Variants in CNTN3 observed in about 807,000 individuals in gnomAD.
The protein encoded by CNTN3 is contactin 3.
Under a neutral mutation model 119.1 loss-of-function variants are expected in CNTN3, and 60 were observed. The ratio of observed to expected loss-of-function variants is 0.50; its 90% CI spans 0.41 to 0.62. The LOEUF is 0.62. CNTN3 is among the 20% of genes least tolerant of loss of function. The pLI, the probability that CNTN3 is intolerant of heterozygous loss-of-function variation, is 0.00. For synonymous variants in CNTN3, 450 were observed against 438.7 expected (o/e 1.03, Z -0.32); for missense variants, 1,101 against 1,242.4 (o/e 0.89, Z 1.71).
intron 5 of CNTN3, among the ~76,000 whole-genome samples, chr3:74,383,366 A>G (rs1704669668): frequency 6.6e-6 from 1 of 152,196 alleles, no homozygotes; most frequent in Admixed American, 6.5e-5. Flanking sequence ...ATGGGTCAAT[A>G]AAGGTAAAGA....
intron 13 of CNTN3, among the ~76,000 whole-genome samples, chr3:74,331,237 A>AT (rs1197984301): frequency 1.3e-5 from 2 of 152,106 alleles, no homozygotes; most frequent in African/African-American, 4.8e-5. Flanking sequence ...TTTATGCCGT[A>AT]TTTTTACTGT....
At chr3:74,418,785 A>AT (rs199617778) in intron 5 of CNTN3, among the ~76,000 whole-genome samples, 1,928 of 149,452 alleles carry the variant, frequency 0.013, 36 homozygotes, top group African/African-American at 0.039. Context: ...TTTATTTTAA[A>AT]TTTTTTTTAT....
intron 11 of CNTN3, among the ~76,000 whole-genome samples, chr3:74,360,116 C>T (rs1704045237): frequency 6.6e-6 from 1 of 152,204 alleles, no homozygotes; most frequent in Admixed American, 6.5e-5. Flanking sequence ...ACTGGAGGAA[C>T]TGCAGATTGT....
At chr3:74,603,528 A>G (rs1704944922) in intron 1 of CNTN3, among the ~76,000 whole-genome samples, 1 of 152,170 alleles carries the variant, frequency 6.6e-6, no homozygotes, top group Admixed American at 6.5e-5. Context: ...GCTTGCTAGA[A>G]GCCACTGAGA....
intron 5 of CNTN3, among the ~76,000 whole-genome samples, chr3:74,390,245 G>A (rs530582063): frequency 1.3e-5 from 2 of 152,292 alleles, no homozygotes; most frequent in African/African-American, 2.4e-5. Context: ...ATTTCACCTG[G>A]GTGGGACTGA....
chr3:74,476,208 T>C (rs1702652002), intron 4 of CNTN3, among the ~76,000 whole-genome samples: 1 of 152,144 alleles, frequency 6.6e-6, no homozygotes. Context: ...TATTATTTGA[T>C]TGAGGAAAAT....
At chr3:74,460,819 G>A (rs1352351009) in intron 4 of CNTN3, among the ~76,000 whole-genome samples, 6 of 36,960 alleles carry the variant, frequency 1.6e-4, no homozygotes, top group African/African-American at 6.6e-4. Flanking sequence ...ATATATATAT[G>A]CCTTTCATTT....
chr3:74,299,809 C>T, intron 17 of CNTN3, 59 bp downstream of exon 17: 1 of 1,412,574 alleles, frequency 7.1e-7, no homozygotes, highest in South Asian at 1.3e-5. Context: ...ACCTGGGAAG[C>T]CATAATGATC....
At chr3:74,515,219 GA>G (rs1703431268) in intron 2 of CNTN3, among the ~76,000 whole-genome samples, 1 of 151,998 alleles carries the variant, frequency 6.6e-6, no homozygotes, top group South Asian at 2.1e-4. Flanking sequence ...ACAGAACATA[GA>G]AAGTATGTGG....
chr3:74,366,183 C>T (rs191850039), intron 8 of CNTN3, among the ~76,000 whole-genome samples: 10 of 152,088 alleles, frequency 6.6e-5, no homozygotes, highest in Middle Eastern at 3.4e-3. Context: ...ATATTTTCCA[C>T]AAGTTAGAAA....
intron 5 of CNTN3, among the ~76,000 whole-genome samples, chr3:74,420,570 T>C (rs1701601115): frequency 6.6e-6 from 1 of 152,238 alleles, no homozygotes; most frequent in Non-Finnish European, 1.5e-5. Context: ...TTTTAAGCAT[T>C]GCTGATGTGT....
At chr3:74,373,531 T>G (rs756216470) in intron 5 of CNTN3, among the ~76,000 whole-genome samples, 1 of 152,054 alleles carries the variant, frequency 6.6e-6, no homozygotes, top group Non-Finnish European at 1.5e-5. Context: ...AAAAGAATGG[T>G]TGAGAAAAAG....
At chr3:74,471,542 G>A (rs183295310) in intron 4 of CNTN3, among the ~76,000 whole-genome samples, 16 of 152,176 alleles carry the variant, frequency 1.1e-4, no homozygotes, top group Admixed American at 3.9e-4. Flanking sequence ...AACACCTAGC[G>A]TTATCTTATA....
intron 12 of CNTN3, among the ~76,000 whole-genome samples, chr3:74,335,225 T>C (rs1703361874): frequency 6.6e-6 from 1 of 152,092 alleles, no homozygotes; most frequent in African/African-American, 2.4e-5. Flanking sequence ...CTTAGTTTTA[T>C]TGTTTTTTGA....
rs753411816 is a variant in CNTN3, at chr3:74,371,389, A to G, written c.465T>C (p.Tyr155=). Residue 155 remains tyrosine, a synonymous_variant, in exon 6 of 23, where the codon TAT becomes TAC. Transcript: ENST00000263665. ...GPPPHSGELS[Y]AWIFNEYPSF... is the part of the protein sequence containing the mutation. ...ATGGGTATTCATTGAAGATCCAAGC[A>G]TATGACAGTTCTAATAAAATTGTTG... 6.2e-7 allele frequency: 1 copy of G among 1,611,946 alleles called. No individual in the cohort carries two copies. The highest frequency in any genetic ancestry group is 8.5e-7 in the Non-Finnish European group (1 of 1,178,434).
intron 5 of CNTN3, among the ~76,000 whole-genome samples, chr3:74,416,213 T>C (rs1219625985): frequency 1.3e-5 from 2 of 152,188 alleles, no homozygotes; most frequent in African/African-American, 4.8e-5. Context: ...CCTTCATAGA[T>C]TTACTTTTAT....
chr3:74,358,699 C>T (rs578170667), intron 11 of CNTN3, among the ~76,000 whole-genome samples: 5 of 149,434 alleles, frequency 3.3e-5, no homozygotes, highest in East Asian at 2.0e-4. Flanking sequence ...CATGCTGGTG[C>T]GCTGCACCCA....
intron 4 of CNTN3, among the ~76,000 whole-genome samples, chr3:74,484,445 CA>C (rs1553670859): frequency 6.6e-6 from 1 of 151,228 alleles, no homozygotes. Flanking sequence ...GAATGGGACA[CA>C]AAAAAAGAAA....
At chr3:74,445,152 T>A (rs984990090) in intron 4 of CNTN3, among the ~76,000 whole-genome samples, 1 of 152,242 alleles carries the variant, frequency 6.6e-6, no homozygotes, top group African/African-American at 2.4e-5. Flanking sequence ...ACTAATGATA[T>A]ATTTTAGTTA....
Sources: gnomAD v4.1 joint callset for allele counts (sites outside exome capture counted in the v4.1 genomes callset) on GRCh38, gnomAD v4.1.1 for gene constraint, MANE v1.5 for transcripts, NCBI Gene and HGNC (gene_info 2026-07-23, HGNC 2026-07-21) for gene names.